The following RAB38 variants were observed in gnomAD, a reference collection of about 807,000 sequenced individuals.
RAB38 encodes the protein RAB38, member RAS oncogene family.
A neutral mutation model predicts 18.4 loss-of-function variants in RAB38; 15 were observed. The ratio of observed to expected loss-of-function variants is 0.82; its 90% CI spans 0.55 to 1.26. The LOEUF is 1.26. Ranked by LOEUF, RAB38 falls within the 50% of genes most tolerant of loss-of-function variation. The probability of loss-of-function intolerance (pLI) is 0.00; values close to 1 mark genes in which losing one functional copy is unlikely to be tolerated. For synonymous variants in RAB38, 101 were observed against 104.4 expected, an observed-to-expected ratio of 0.97 and a Z score of 0.20; for missense variants, 294 against 267.4, an observed-to-expected ratio of 1.10 and a Z score of -0.69.
chr11:87,873,712 A>G, the RAB38 span, among the ~76,000 whole-genome samples: 5 of 151,420 alleles, frequency 3.3e-5, no homozygotes, highest in African/African-American at 9.7e-5. Context: ...GGAAAAAAAT[A>G]TCCTTTTTCC....
chr11:88,058,620 T>C, the RAB38 span, among the ~76,000 whole-genome samples: 1 of 152,186 alleles, frequency 6.6e-6, no homozygotes, highest in African/African-American at 2.4e-5. Flanking sequence ...GCAAGAGGTA[T>C]TGAAATAATT....
At chr11:88,034,881 C>T in the RAB38 span, among the ~76,000 whole-genome samples, 2 of 152,150 alleles carry the variant, frequency 1.3e-5, no homozygotes, top group Non-Finnish European at 2.9e-5. Context: ...AATTGTGAGT[C>T]ATAGATCTGC....
chr11:87,902,816 C>T, the RAB38 span, among the ~76,000 whole-genome samples: 1 of 150,612 alleles, frequency 6.6e-6, no homozygotes, highest in East Asian at 2.0e-4. Flanking sequence ...AGCTCACTGA[C>T]AATATATATT....
the RAB38 span, among the ~76,000 whole-genome samples, chr11:88,106,211 T>A: frequency 6.6e-6 from 1 of 152,072 alleles, no homozygotes; most frequent in Non-Finnish European, 1.5e-5. Context: ...CTAACATATA[T>A]TAAGCACTAT....
rs1943130535 is a variant in RAB38, at chr11:88,156,696, T to C, written c.203-6741A>G. Among the ~76,000 whole-genome samples the C allele has an allele frequency of 2.1e-5, 3 of 145,072 alleles. No homozygotes were observed. In the South Asian group the frequency reaches 6.5e-4, roughly 31 times the overall value. On this transcript the variant is annotated intron_variant, in intron 1 of 2. Transcript: ENST00000243662. The stretch of plus-strand genomic sequence containing the variant: ...CAGCCTGGGCGACAGAGCAAGACTT[T>C]GTCTCAAGAAAAAAAAAGAAAATTC...
the RAB38 span, among the ~76,000 whole-genome samples, chr11:88,022,820 C>A: frequency 2.0e-5 from 3 of 152,154 alleles, no homozygotes; most frequent in South Asian, 4.1e-4. Context: ...GATTCCATGT[C>A]TTTACTATTG....
At chr11:88,066,782 T>A in the RAB38 span, among the ~76,000 whole-genome samples, 1 of 152,208 alleles carries the variant, frequency 6.6e-6, no homozygotes, top group African/African-American at 2.4e-5. Context: ...CCTCTCAATT[T>A]CTCATCGAGG....
At chr11:88,154,764 T>C (rs1943105171) in intron 1 of RAB38, among the ~76,000 whole-genome samples, 1 of 152,202 alleles carries the variant, frequency 6.6e-6, no homozygotes, top group African/African-American at 2.4e-5. Context: ...AGGCTAACTC[T>C]GTTTCACACC....
At chr11:87,976,717 T>G in the RAB38 span, among the ~76,000 whole-genome samples, 1 of 111,382 alleles carries the variant, frequency 9.0e-6, no homozygotes, top group Admixed American at 1.1e-4. Flanking sequence ...TATTTATATT[T>G]CTATATATTT....
the RAB38 span, chr11:87,816,904 C>T: frequency 3.3e-5 from 5 of 152,076 alleles, no homozygotes; most frequent in Non-Finnish European, 7.4e-5. Context: ...GATTCTAATA[C>T]ATACAAAGTT....
At chr11:88,137,798 C>T (rs1942855400) in intron 2 of RAB38, among the ~76,000 whole-genome samples, 1 of 152,060 alleles carries the variant, frequency 6.6e-6, no homozygotes, top group African/African-American at 2.4e-5. Flanking sequence ...TAAAAACTAC[C>T]AGACAAAAGA....
chr11:88,080,535 A>G, the RAB38 span, among the ~76,000 whole-genome samples: 2 of 149,560 alleles, frequency 1.3e-5, no homozygotes, highest in African/African-American at 5.1e-5. Context: ...TGAGAAAGTG[A>G]CAAACAGATT....
intron 1 of RAB38, among the ~76,000 whole-genome samples, chr11:88,159,265 CT>C (rs1943161131): frequency 6.6e-6 from 1 of 150,644 alleles, no homozygotes; most frequent in East Asian, 1.9e-4. Context: ...AGGAATACAT[CT>C]AACCAAGGAA....
At chr11:87,831,192 G>A in the RAB38 span, among the ~76,000 whole-genome samples, 6 of 152,198 alleles carry the variant, frequency 3.9e-5, no homozygotes, top group East Asian at 1.9e-4. Flanking sequence ...CACATCAGAC[G>A]CCAGAGCTTA....
At chr11:87,807,017 C>A in the RAB38 span, among the ~76,000 whole-genome samples, 1 of 152,146 alleles carries the variant, frequency 6.6e-6, no homozygotes, top group Non-Finnish European at 1.5e-5. Flanking sequence ...ACTGCCTGAG[C>A]TCCACCTCCT....
At chr11:88,009,576 G>A in the RAB38 span, among the ~76,000 whole-genome samples, 8 of 152,138 alleles carry the variant, frequency 5.3e-5, no homozygotes, top group South Asian at 2.1e-4. Context: ...GGAGTTATGC[G>A]GTGAGTTTAC....
At chr11:88,012,612 T>A in the RAB38 span, among the ~76,000 whole-genome samples, 5 of 152,128 alleles carry the variant, frequency 3.3e-5, no homozygotes, top group African/African-American at 1.2e-4. Flanking sequence ...TCTGTGCCCT[T>A]TGTCTTGTGA....
At chr11:88,170,523 C>T (rs915749626) in intron 1 of RAB38, among the ~76,000 whole-genome samples, 1 of 152,212 alleles carries the variant, frequency 6.6e-6, no homozygotes, top group Non-Finnish European at 1.5e-5. Context: ...TCTAAAACAA[C>T]ATAACAATGT....
the RAB38 span, among the ~76,000 whole-genome samples, chr11:87,841,260 G>A: frequency 6.6e-6 from 1 of 152,048 alleles, no homozygotes; most frequent in African/African-American, 2.4e-5. Context: ...TTAATCATGA[G>A]GCGGTTACCC....
Sources: allele counts gnomAD v4.1 joint callset (sites outside exome capture counted in the v4.1 genomes callset), GRCh38; gene constraint gnomAD v4.1.1; transcripts MANE v1.5; gene names NCBI Gene and HGNC (gene_info 2026-07-23, HGNC 2026-07-21).